Variants in YEATS4 observed in about 807,000 individuals in gnomAD.
The protein encoded by YEATS4 is YEATS domain-containing protein 4.
A neutral mutation model predicts 30.1 loss-of-function variants in YEATS4; 17 were observed. The observed-to-expected ratio is 0.56, with a 90% CI of 0.39 to 0.85. The LOEUF is 0.85. YEATS4 is among the 40% of genes least tolerant of loss of function. YEATS4 has a pLI of 0.00. For synonymous variants in YEATS4, 85 were observed against 87.5 expected (o/e 0.97, Z 0.16); for missense variants, 142 against 268.3 (o/e 0.53, Z 3.29).
chr12:69,365,624 A>G lies in YEATS4; in HGVS notation c.172-9A>G, dbSNP rs1170316775. 6.3e-7 allele frequency: 1 copy of G among 1,589,770 alleles called. No individual in the cohort carries two copies. The highest frequency in any genetic ancestry group is 8.6e-7 in the Non-Finnish European group (1 of 1,161,388). On this transcript the variant is annotated splice_polypyrimidine_tract_variant and intron_variant, in intron 2 of 6. Coordinates refer to ENST00000247843, the MANE Select transcript of YEATS4 (RefSeq NM_006530.4). ...AGATCATAAAACTAACTAATTCCTT[A>G]TATTTTAGGATATGTCAGCATATGT...
intron 4 of YEATS4, among the ~76,000 whole-genome samples, chr12:69,368,870 A>G (rs920463505): frequency 7.2e-5 from 11 of 152,144 alleles, no homozygotes; most frequent in Non-Finnish European, 1.0e-4. Context: ...GGTCCACCCT[A>G]ATGACTTCAT....
intron 1 of YEATS4, among the ~76,000 whole-genome samples, chr12:69,360,242 AAAAC>A (rs1875139342): frequency 6.6e-6 from 1 of 152,154 alleles, no homozygotes; most frequent in Admixed American, 6.5e-5. Flanking sequence ...CCCCCGCCAA[AAAAC>A]AAACAGATAA....
At chr12:69,425,615 A>T in the YEATS4 span, among the ~76,000 whole-genome samples, 5 of 152,178 alleles carry the variant, frequency 3.3e-5, no homozygotes, top group African/African-American at 1.2e-4. Context: ...AGATGCAGAG[A>T]TAGCACTGTG....
the YEATS4 span, chr12:69,400,842 C>T: frequency 6.6e-6 from 1 of 152,126 alleles, no homozygotes; most frequent in African/African-American, 2.4e-5. Flanking sequence ...GGTACTCATA[C>T]ATTGTTGGTG....
intron 6 of YEATS4, among the ~76,000 whole-genome samples, chr12:69,384,347 T>C (rs1876190810): frequency 1.3e-5 from 2 of 152,364 alleles, no homozygotes; most frequent in South Asian, 4.1e-4. Flanking sequence ...ATAAATAATA[T>C]GTTTTGTGAA....
Position 69,365,817 on chromosome 12 carries a change from C to T in YEATS4, c.266C>T (p.Thr89Ile). The T allele has an allele frequency of 6.2e-7, 1 of 1,610,598 alleles. No homozygotes were observed. Among genetic ancestry groups the T allele is most frequent in the Non-Finnish European group, 8.5e-7 (1 of 1,178,984 alleles). Residue 89 changes from threonine to isoleucine, a missense_variant, in exon 4 of 7, where the codon ACT (threonine) becomes ATT (isoleucine). This residue lies in a region of YEATS4 where 64 missense variants were observed against 164.0 expected (regional missense o/e 0.39). Coordinates refer to ENST00000247843, the MANE Select transcript of YEATS4 (RefSeq NM_006530.4). ...RVVTKPPYEI[T>I]ETGWGEFEII... is the part of the protein sequence containing the mutation. ...GTTACTAAACCTCCATATGAAATTACTGAAACAGGATGGGGTGAATTCGAA... is the reference window on the plus strand; with the variant it reads ...GTTACTAAACCTCCATATGAAATTATTGAAACAGGATGGGGTGAATTCGAA...
Position 69,367,599 on chromosome 12 carries a change from C to T in YEATS4, c.333+1715C>T, listed in dbSNP as rs565595315. On this transcript the variant is annotated intron_variant, in intron 4 of 6. Transcript: ENST00000247843. ...CAGGCTGATCTCAAACTCCTGGGCT[C>T]AAGCATTCCTCTCGCCTTGCCCTCC... Among the ~76,000 whole-genome samples the T allele has an allele frequency of 7.9e-5, 12 of 152,268 alleles. No individual in the cohort carries two copies. The South Asian group carries it at 2.5e-3, about 32-fold the overall frequency.
At chr12:69,424,660 G>A in the YEATS4 span, among the ~76,000 whole-genome samples, 4 of 151,950 alleles carry the variant, frequency 2.6e-5, no homozygotes, top group African/African-American at 7.3e-5. Flanking sequence ...GAGTTCTCAC[G>A]AGATCTGATG....
At chr12:69,364,503 T>G (rs1167839218) in intron 2 of YEATS4, among the ~76,000 whole-genome samples, 1 of 152,192 alleles carries the variant, frequency 6.6e-6, no homozygotes, top group East Asian at 1.9e-4. Context: ...AGAAACCCTT[T>G]TATTTGCCAT....
chr12:69,360,104 G>C (rs950936396), intron 1 of YEATS4, 81 bp downstream of exon 1: 1 of 1,499,166 alleles, frequency 6.7e-7, no homozygotes, highest in Non-Finnish European at 9.1e-7. Context: ...GGGCCCACTG[G>C]GTTTCCTTTC....
intron 2 of YEATS4, among the ~76,000 whole-genome samples, chr12:69,365,103 A>G (rs1050752284): frequency 6.6e-6 from 1 of 152,186 alleles, no homozygotes; most frequent in Non-Finnish European, 1.5e-5. Context: ...GTATTTCTAT[A>G]CATTACAAAT....
intron 6 of YEATS4, among the ~76,000 whole-genome samples, chr12:69,382,464 CCT>C (rs56034332): frequency 0.4 from 61,341 of 151,922 alleles, 12,659 homozygotes; most frequent in Non-Finnish European, 0.46. Context: ...TGATTCTTTC[CCT>C]GTGTCCACCA....
the YEATS4 span, among the ~76,000 whole-genome samples, chr12:69,417,553 T>C: frequency 6.6e-6 from 1 of 152,100 alleles, no homozygotes; most frequent in African/African-American, 2.4e-5. Flanking sequence ...TAAGGCTGCC[T>C]TGGTAGGAGG....
the YEATS4 span, among the ~76,000 whole-genome samples, chr12:69,397,632 G>C: frequency 2.6e-5 from 4 of 152,184 alleles, no homozygotes; most frequent in Non-Finnish European, 5.9e-5. Flanking sequence ...GTGGAACTGT[G>C]AGTCCATTAA....
chr12:69,367,300 T>G (rs997913402), intron 4 of YEATS4, among the ~76,000 whole-genome samples: 1 of 152,194 alleles, frequency 6.6e-6, no homozygotes, highest in Non-Finnish European at 1.5e-5. Context: ...TGTGATGAAG[T>G]TTTTAGATCT....
chr12:69,369,422 G>C (rs542733717), intron 4 of YEATS4, among the ~76,000 whole-genome samples: 1 of 152,224 alleles, frequency 6.6e-6, no homozygotes, highest in East Asian at 1.9e-4. Context: ...CATTGTTGGG[G>C]AGAAAAATTC....
At chr12:69,414,377 A>T in the YEATS4 span, among the ~76,000 whole-genome samples, 3 of 152,148 alleles carry the variant, frequency 2.0e-5, no homozygotes, top group East Asian at 3.9e-4. Context: ...CTACAGGAAC[A>T]TGCTACCGCG....
downstream of YEATS4, among the ~76,000 whole-genome samples, chr12:69,391,911 A>G (rs1335328245): frequency 2.6e-5 from 4 of 152,188 alleles, no homozygotes; most frequent in Admixed American, 6.5e-5. Context: ...AAGTCCATGT[A>G]GGTAGGTCTG....
chr12:69,421,769 C>T, the YEATS4 span, among the ~76,000 whole-genome samples: 2 of 152,120 alleles, frequency 1.3e-5, no homozygotes, highest in Admixed American at 1.3e-4. Context: ...TAGTGGCTAG[C>T]GGCTGTACCC....
Sources: gnomAD v4.1 joint callset for allele counts (sites outside exome capture counted in the v4.1 genomes callset) on GRCh38, gnomAD v4.1.1 for gene constraint, gnomAD v4.1.1 regional missense constraint, MANE v1.5 for transcripts, NCBI Gene and HGNC (gene_info 2026-07-23, HGNC 2026-07-21) for gene names.